The following BTBD2 variants were observed in gnomAD, a reference collection of about 807,000 sequenced individuals.
BTBD2 encodes BTB domain containing 2.
In BTBD2, 15 loss-of-function variants were observed where a neutral mutation model predicts 44.0. The observed-to-expected ratio is 0.34, with a 90% CI of 0.23 to 0.53. BTBD2 has a LOEUF of 0.53. Ranked by LOEUF, BTBD2 falls within the 20% of genes least tolerant of loss-of-function variation. The pLI is 0.95. For missense variants in BTBD2, 657 were observed against 746.4 expected, an observed-to-expected ratio of 0.88 and a Z score of 1.39; for synonymous variants, 443 against 335.9, an observed-to-expected ratio of 1.32 and a Z score of -3.49.
At chr19:2,001,605 A>G (rs928317128) in intron 1 of BTBD2, among the ~76,000 whole-genome samples, 2 of 152,232 alleles carry the variant, frequency 1.3e-5, no homozygotes, top group African/African-American at 2.4e-5. Flanking sequence ...CTTAAACCAC[A>G]GGGCTGAACC....
In BTBD2 at chr19:1,990,729, C is replaced by T. The variant is rs1464484738; in HGVS notation, c.778G>A (p.Asp260Asn). The T allele has an allele frequency of 4.4e-6, 7 of 1,601,248 alleles. No individual in the cohort carries two copies. The highest frequency in any genetic ancestry group is 2.3e-5 in the East Asian group (1 of 44,036). Reference sequence around the variant, plus strand: ...CCTGGGCCCTTACCCAGGTCAATGTCGGTGAAGCCCTCCGCGGTGATGGCG... The same window carrying T: ...CCTGGGCCCTTACCCAGGTCAATGTTGGTGAAGCCCTCCGCGGTGATGGCG... Reference protein sequence around the residue: ...ADAITAEGFTDIDLDTLVAVL... With the variant: ...ADAITAEGFTNIDLDTLVAVL... The change falls in exon 4 of 9, where the codon GAC becomes AAC. Residue 260 changes from aspartate (D) to asparagine (N), a missense_variant. By Grantham distance (23) the Asp-to-Asn change is conservative. This residue lies in a region of BTBD2 where 449 missense variants were observed against 510.9 expected (regional missense o/e 0.88). Coordinates refer to ENST00000255608, the MANE Select transcript of BTBD2 (RefSeq NM_017797.4).
At chr19:2,006,463 TGCCACTGCACTC>T (rs2016395318) in intron 1 of BTBD2, among the ~76,000 whole-genome samples, 1 of 148,430 alleles carries the variant, frequency 6.7e-6, no homozygotes, top group South Asian at 2.1e-4. Flanking sequence ...GCTGACACTG[TGCCACTGCACTC>T]CAGCCTGGGC....
chr19:1,992,956 C>A, intron 3 of BTBD2, 64 bp downstream of exon 3: 1 of 815,630 alleles, frequency 1.2e-6, no homozygotes, highest in Non-Finnish European at 1.7e-6. Context: ...CTCGGTCCGC[C>A]CCACCCCGGC....
chr19:2,006,093 A>AC (rs1287045935), intron 1 of BTBD2, among the ~76,000 whole-genome samples: 1 of 152,038 alleles, frequency 6.6e-6, no homozygotes, highest in Non-Finnish European at 1.5e-5. Flanking sequence ...GTCTCTAAAA[A>AC]AAAAAAAAAA....
rs2016063428 is a variant in BTBD2, at chr19:1,985,454, G to C, written c.*1034C>G. The C allele has an allele frequency of 6.6e-6, 1 of 152,486 alleles. No individual in the cohort carries two copies. Among genetic ancestry groups the C allele is most frequent in the South Asian group, 2.1e-4 (1 of 4,834 alleles). 9.4% of individuals were successfully genotyped at this position (152,486 alleles called of 1,614,324 possible). A position where few individuals can be genotyped will look rare whatever the true frequency, so the allele number is the denominator to read the frequency against. ...AAAGCAGTGTGCGCTCAAGGCAGGTGCATTTGTTTCTTTATTTAAAAAAAT... is the reference window on the plus strand; with the variant it reads ...AAAGCAGTGTGCGCTCAAGGCAGGTCCATTTGTTTCTTTATTTAAAAAAAT... On this transcript the variant is annotated 3_prime_UTR_variant, in exon 9 of 9. Coordinates refer to ENST00000255608, the MANE Select transcript of BTBD2 (RefSeq NM_017797.4).
At chr19:2,014,733 C>G (rs1238711064) in intron 1 of BTBD2, 1 of 154,154 alleles carries the variant, frequency 6.5e-6, no homozygotes, top group Admixed American at 6.6e-5. Flanking sequence ...AAGTGCAGGC[C>G]GAGTTGGAGG....
chr19:1,990,637 C>T, intron 4 of BTBD2, 80 bp downstream of exon 4: 1 of 1,349,642 alleles, frequency 7.4e-7, no homozygotes, highest in Non-Finnish European at 1.0e-6. Flanking sequence ...CCCCCAGGCC[C>T]AAAGCTCCCA....
At chr19:1,997,578 C>T (rs2016268284) in intron 1 of BTBD2, 115 bp from the exon 2 acceptor site, 1 of 1,470,454 alleles carries the variant, frequency 6.8e-7, no homozygotes, top group African/African-American at 1.4e-5. Context: ...CAGCCTCCAG[C>T]AGGCATGTAC....
intron 1 of BTBD2, among the ~76,000 whole-genome samples, chr19:2,006,653 A>C (rs988792208): frequency 2.0e-5 from 3 of 152,046 alleles, no homozygotes; most frequent in Non-Finnish European, 4.4e-5. Flanking sequence ...TATGGCCCTT[A>C]GAGTGAATCT....
At chr19:2,010,159 A>C (rs1452536441) in intron 1 of BTBD2, among the ~76,000 whole-genome samples, 2 of 152,254 alleles carry the variant, frequency 1.3e-5, no homozygotes, top group Admixed American at 6.5e-5. Flanking sequence ...CTCAAAAAAA[A>C]GAAAAAGGTA....
chr19:1,986,219 G>A lies in BTBD2; in HGVS notation c.*269C>T, dbSNP rs748398654. ...GGTCCGTGGGCCCTGGCCCAGGCCG[G>A]CACAGCCCTGTCCCTAGTCCTGAGG... On this transcript the variant is annotated 3_prime_UTR_variant, in exon 9 of 9. Coordinates refer to ENST00000255608, the MANE Select transcript of BTBD2 (RefSeq NM_017797.4). 12 of 476,314 alleles carry A rather than the reference G, an allele frequency of 2.5e-5. No homozygotes were observed. The highest frequency in any genetic ancestry group is 3.8e-5 in the Non-Finnish European group (10 of 264,760). The allele number at this position is 476,314 out of a possible 1,614,324, so 29.5% of individuals were successfully genotyped here.
chr19:1,989,214 G>A (rs2016137194), intron 5 of BTBD2, among the ~76,000 whole-genome samples: 1 of 152,152 alleles, frequency 6.6e-6, no homozygotes, highest in African/African-American at 2.4e-5. Flanking sequence ...GACATAGCAA[G>A]ACCCTGTCCC....
chr19:2,000,135 G>A (rs571512374), intron 1 of BTBD2, among the ~76,000 whole-genome samples: 8 of 152,202 alleles, frequency 5.3e-5, no homozygotes, highest in South Asian at 4.2e-4. Flanking sequence ...GCCCTCGGAC[G>A]CCTTGATCCA....
intron 1 of BTBD2, among the ~76,000 whole-genome samples, chr19:1,999,683 A>G (rs8111312): frequency 0.71 from 107,126 of 150,962 alleles, 39,445 homozygotes; most frequent in African/African-American, 0.92. Flanking sequence ...AAAAAAGGCC[A>G]GGTGCAGTGG....
Position 1,986,504 on chromosome 19 carries a change from AC to A in BTBD2, c.1561del (p.Val521SerfsTer19). On this transcript the variant is annotated frameshift_variant, in exon 9 of 9. Coordinates refer to ENST00000255608, the MANE Select transcript of BTBD2 (RefSeq NM_017797.4). LOFTEE classifies it high-confidence loss of function. Reference sequence around the variant, plus strand: ...TCGGGCAGCCTAGGTGTAGAAGATGACCTCGGGGATCTGGCCGTCCTCCACG... The same window carrying A: ...TCGGGCAGCCTAGGTGTAGAAGATGACTCGGGGATCTGGCCGTCCTCCACG... The part of the protein sequence containing the change: ...TSVEDGQIPE[V>X]IFYT 1 of 1,613,726 alleles carries A rather than the reference AC, an allele frequency of 6.2e-7. No individual in the cohort carries two copies. The highest frequency in any genetic ancestry group is 8.5e-7 in the Non-Finnish European group (1 of 1,179,856).
At chr19:1,988,749 A>C (rs147812433) in intron 5 of BTBD2, among the ~76,000 whole-genome samples, 37 of 152,194 alleles carry the variant, frequency 2.4e-4, no homozygotes, top group African/African-American at 6.5e-4. Context: ...GTTTACAGGC[A>C]TGCGCCACCA....
intron 2 of BTBD2, among the ~76,000 whole-genome samples, chr19:1,996,545 C>CAAA (rs111933486): frequency 0.039 from 3,894 of 99,128 alleles, 132 homozygotes; most frequent in East Asian, 0.081. Context: ...GCAAAACTGT[C>CAAA]AAAAAAAAAA....
intron 3 of BTBD2, 93 bp downstream of exon 3, chr19:1,992,915 GCCCGCCCCCGGC>G: frequency 9.4e-7 from 1 of 1,061,710 alleles, no homozygotes; most frequent in Non-Finnish European, 1.2e-6. Flanking sequence ...TGCCTCCCGG[GCCCGCCCCCGGC>G]CCCGCCTCCG....
chr19:1,999,499 C>A (rs972695594), intron 1 of BTBD2, among the ~76,000 whole-genome samples: 2 of 152,130 alleles, frequency 1.3e-5, no homozygotes, highest in Non-Finnish European at 2.9e-5. Flanking sequence ...GACCCCATCT[C>A]TACAAAAACA....
Sources: gnomAD v4.1 joint callset for allele counts (sites outside exome capture counted in the v4.1 genomes callset) on GRCh38, gnomAD v4.1.1 for gene constraint, gnomAD v4.1.1 regional missense constraint, MANE v1.5 for transcripts, NCBI Gene and HGNC (gene_info 2026-07-23, HGNC 2026-07-21) for gene names.